The following HPSE2 variants were observed in gnomAD, a reference collection of about 807,000 sequenced individuals.
HPSE2 encodes the protein heparanase 2 (inactive), also known as inactive heparanase-2.
A neutral mutation model predicts 60.5 loss-of-function variants in HPSE2; 38 were observed. That is an observed-to-expected ratio of 0.63 (90% CI 0.48 to 0.82). HPSE2 has a LOEUF of 0.82. Ranked by LOEUF, HPSE2 falls within the 40% of genes least tolerant of loss-of-function variation. HPSE2 has a pLI of 0.00. For missense variants in HPSE2, 713 were observed against 740.4 expected (o/e 0.96, Z 0.43); for synonymous variants, 295 against 293.2 (o/e 1.01, Z -0.06).
chr10:98,749,867 A>G (rs1949712970), intron 3 of HPSE2, among the ~76,000 whole-genome samples: 1 of 146,628 alleles, frequency 6.8e-6, no homozygotes, highest in African/African-American at 2.5e-5. Context: ...TTGGGACATA[A>G]CCTCATAAGT....
chr10:98,931,233 C>T (rs1227273114), intron 3 of HPSE2, among the ~76,000 whole-genome samples: 1 of 143,958 alleles, frequency 6.9e-6, no homozygotes, highest in African/African-American at 2.8e-5. Flanking sequence ...GGCATCTTTT[C>T]CCCATTGCAT....
chr10:98,821,755 A>G (rs1005337395), intron 3 of HPSE2, among the ~76,000 whole-genome samples: 2 of 152,202 alleles, frequency 1.3e-5, no homozygotes, highest in African/African-American at 4.8e-5. Flanking sequence ...AATTTATTAA[A>G]TTCAATTCAA....
chr10:99,150,222 A>C (rs1437139025), intron 2 of HPSE2, among the ~76,000 whole-genome samples: 1 of 152,172 alleles, frequency 6.6e-6, no homozygotes, highest in African/African-American at 2.4e-5. Flanking sequence ...TTTGTTCTTT[A>C]TTCTTTCTTC....
Position 98,904,686 on chromosome 10 carries a change from T to C in HPSE2, c.611-160630A>G, listed in dbSNP as rs139383238. Among the ~76,000 whole-genome samples the C allele has an allele frequency of 3.0e-3, 460 of 152,318 alleles. 4 individuals are homozygous for C. Among genetic ancestry groups the C allele is most frequent in the African/African-American group, 0.011 (437 of 41,580 alleles). ...TGCTTGTCTGTAGAATGGTGGCTTC[T>C]GGTAAAAACTGTGAATTATCTCCAT... On this transcript the variant is annotated intron_variant, in intron 3 of 11. Transcript: ENST00000370552.
chr10:99,285,889 C>T, the HPSE2 span, among the ~76,000 whole-genome samples: 1 of 152,192 alleles, frequency 6.6e-6, no homozygotes, highest in East Asian at 1.9e-4. Flanking sequence ...TGCACCACTG[C>T]ACTCCAGCCT....
chr10:98,981,057 G>A (rs977524099), intron 3 of HPSE2, among the ~76,000 whole-genome samples: 20 of 152,038 alleles, frequency 1.3e-4, no homozygotes, highest in African/African-American at 3.1e-4. Context: ...ACATGGCAAC[G>A]TTCCAACATA....
chr10:98,536,877 AGC>A (rs982083102), intron 9 of HPSE2, among the ~76,000 whole-genome samples: 7 of 152,122 alleles, frequency 4.6e-5, no homozygotes, highest in Non-Finnish European at 8.8e-5. Flanking sequence ...TGGAGAACAG[AGC>A]GCAAGAAGAA....
intron 6 of HPSE2, among the ~76,000 whole-genome samples, chr10:98,680,961 G>A (rs2134136019): frequency 6.6e-6 from 1 of 151,986 alleles, no homozygotes; most frequent in South Asian, 2.1e-4. Context: ...TCTCTACTAA[G>A]AGATGTTGGC....
chr10:98,738,492 A>C (rs1400417432), intron 4 of HPSE2, among the ~76,000 whole-genome samples: 2 of 152,208 alleles, frequency 1.3e-5, no homozygotes, highest in Non-Finnish European at 2.9e-5. Context: ...TAATTAAACT[A>C]AAGAGCTTCT....
chr10:98,484,279 C>T lies in HPSE2; in HGVS notation c.1467-1497G>A, dbSNP rs1159398452. Reference sequence around the variant, plus strand: ...CTTTCTTTCTTTTTTTCTCTGTCGCCCAGGCTGGAGTGCAGTGGCACGATC... The same window carrying T: ...CTTTCTTTCTTTTTTTCTCTGTCGCTCAGGCTGGAGTGCAGTGGCACGATC... On this transcript the variant is annotated intron_variant, in intron 10 of 11. Coordinates refer to ENST00000370552, the MANE Select transcript of HPSE2 (RefSeq NM_021828.5). 2.0e-5 allele frequency among the ~76,000 whole-genome samples: 3 copies of T among 151,822 alleles called. No homozygotes were observed. The East Asian group carries it at 5.8e-4, about 29-fold the overall frequency.
At chr10:98,758,314 CA>C (rs61264642) in intron 3 of HPSE2, among the ~76,000 whole-genome samples, 1 of 147,290 alleles carries the variant, frequency 6.8e-6, no homozygotes, top group Admixed American at 6.7e-5. Context: ...AAAGCAATTA[CA>C]AAAAAAAAAA....
rs372324743 is a variant in HPSE2, at chr10:98,899,089, G to C, written c.611-155033C>G. ...GGCTTAGATAAATTTTTTCTGCAAA[G>C]GGCAAAAAAGTAAATATTTCAGATT... On this transcript the variant is annotated intron_variant, in intron 3 of 11. Transcript: ENST00000370552. 2.5e-3 allele frequency among the ~76,000 whole-genome samples: 387 copies of C among 152,182 alleles called. 1 individual carries two copies. Among genetic ancestry groups the C allele is most frequent in the African/African-American group, 9.0e-3 (372 of 41,530 alleles).
At chr10:99,246,487 CCGTAATCCCAGCACT>C in the HPSE2 span, among the ~76,000 whole-genome samples, 1 of 152,192 alleles carries the variant, frequency 6.6e-6, no homozygotes, top group Non-Finnish European at 1.5e-5. Flanking sequence ...TGGCTCATGC[CCGTAATCCCAGCACT>C]TTGGGAGGCC....
chr10:98,939,814 T>C (rs144710670), intron 3 of HPSE2, among the ~76,000 whole-genome samples: 4,379 of 143,678 alleles, frequency 0.03, 628 homozygotes, highest in Admixed American at 0.15. Context: ...TATTCCAAAA[T>C]TGACCACATA....
intron 9 of HPSE2, among the ~76,000 whole-genome samples, chr10:98,544,446 C>T (rs565676071): frequency 1.3e-5 from 2 of 152,126 alleles, no homozygotes; most frequent in South Asian, 4.2e-4. Context: ...CGCGGTGGCT[C>T]ACGCCTGTAA....
intron 3 of HPSE2, among the ~76,000 whole-genome samples, chr10:99,039,902 G>A (rs1957698109): frequency 6.6e-6 from 1 of 152,252 alleles, no homozygotes. Flanking sequence ...ACCAGAGTCA[G>A]GGCTGTATAT....
chr10:99,071,678 C>G (rs922965504), intron 3 of HPSE2, among the ~76,000 whole-genome samples: 4 of 152,178 alleles, frequency 2.6e-5, no homozygotes, highest in African/African-American at 9.6e-5. Context: ...TATGTTTTAT[C>G]CTAGTGGTTA....
chr10:98,816,207 A>G (rs1225702332), intron 3 of HPSE2, among the ~76,000 whole-genome samples: 1 of 152,170 alleles, frequency 6.6e-6, no homozygotes, highest in Admixed American at 6.6e-5. Flanking sequence ...AAAAAGATTT[A>G]AAATGCAAAA....
intron 3 of HPSE2, among the ~76,000 whole-genome samples, chr10:99,107,800 C>T (rs2135669738): frequency 6.6e-6 from 1 of 152,216 alleles, no homozygotes; most frequent in East Asian, 1.9e-4. Context: ...AAGTACCTCC[C>T]AGGTACACGC....
Sources: allele counts gnomAD v4.1 joint callset (sites outside exome capture counted in the v4.1 genomes callset), GRCh38; gene constraint gnomAD v4.1.1; transcripts MANE v1.5; gene names NCBI Gene and HGNC (gene_info 2026-07-23, HGNC 2026-07-21).